Variants in ARHGEF10 observed in about 807,000 individuals in gnomAD.
The protein encoded by ARHGEF10 is Rho guanine nucleotide exchange factor (GEF) 10.
In ARHGEF10, 140 loss-of-function variants were observed where a neutral mutation model predicts 147.4. The observed-to-expected ratio is 0.95, with a 90% confidence interval of 0.83 to 1.09. The LOEUF is 1.09. Among genes scored for constraint, ARHGEF10 ranks in the 50% least tolerant of loss-of-function variants. The probability of loss-of-function intolerance (pLI) is 0.00; values close to 1 mark genes in which losing one functional copy is unlikely to be tolerated. For synonymous variants in ARHGEF10, 902 were observed against 695.8 expected, an observed-to-expected ratio of 1.30 and a Z score of -4.67; for missense variants, 2,222 against 1,752.7, an observed-to-expected ratio of 1.27 and a Z score of -4.78.
intron 1 of ARHGEF10, among the ~76,000 whole-genome samples, chr8:1,839,566 A>G (rs1275823489): frequency 9.0e-6 from 1 of 111,028 alleles, no homozygotes; most frequent in South Asian, 3.1e-4. Flanking sequence ...TGGTGTGGGG[A>G]GTGTCTGGTG....
At chr8:1,923,921 T>C in intron 21 of ARHGEF10, 47 bp downstream of exon 21, 5 of 1,565,232 alleles carry the variant, frequency 3.2e-6, no homozygotes, top group Non-Finnish European at 4.4e-6. Context: ...GGCGTGATGA[T>C]GAATTCCTGC....
chr8:1,919,830 T>C (rs1812101890), intron 18 of ARHGEF10, among the ~76,000 whole-genome samples: 1 of 143,526 alleles, frequency 7.0e-6, no homozygotes, highest in African/African-American at 2.7e-5. Context: ...TGATGAGCTG[T>C]TCTGTCAGTG....
rs915490181 is a variant in ARHGEF10 at position 1,948,853 on chromosome 8, G to A, written c.3397+3198G>A. Among the ~76,000 whole-genome samples the A allele has an allele frequency of 2.0e-5, 3 of 152,144 alleles. No homozygotes were observed. Among genetic ancestry groups the A allele is most frequent in the African/African-American group, 7.2e-5 (3 of 41,420 alleles). On this transcript the variant is annotated intron_variant, in intron 27 of 28. Transcript: ENST00000349830. This position sits in a 1 kb window ranked among gnomAD's most constrained non-coding sequence, Gnocchi z 4.9. ...GGGCATGCTCATACCGTGCTGAAGT[G>A]CGCGGATGCTGAGGTCGCCGGGCCG...
At chr8:1,883,056 T>A (rs1337886479) in intron 10 of ARHGEF10, among the ~76,000 whole-genome samples, 1 of 152,196 alleles carries the variant, frequency 6.6e-6, no homozygotes. Flanking sequence ...TATTGGACTC[T>A]GTATTTATAG....
At chr8:1,901,282 CT>C (rs1810436318) in intron 15 of ARHGEF10, among the ~76,000 whole-genome samples, 1 of 152,014 alleles carries the variant, frequency 6.6e-6, no homozygotes, top group South Asian at 2.1e-4. Context: ...GTGGAGAGGC[CT>C]GGACACCCTC....
At chr8:1,945,395 G>A (rs952041930) in intron 26 of ARHGEF10, 86 bp from the exon 27 acceptor site, 78 of 1,491,070 alleles carry the variant, frequency 5.2e-5, no homozygotes, top group Non-Finnish European at 6.8e-5. Context: ...ACTGAATGGC[G>A]CTCCAGCTGG....
At chr8:1,918,891 CTATTCTGTAAAGTGACGGAGG>C (rs1811969563) in intron 18 of ARHGEF10, among the ~76,000 whole-genome samples, 1 of 149,290 alleles carries the variant, frequency 6.7e-6, no homozygotes, top group Non-Finnish European at 1.5e-5. Context: ...GGTGATGGAG[CTATTCTGTAAAGTGACGGAGG>C]TGTTCTGTGA....
intron 1 of ARHGEF10, among the ~76,000 whole-genome samples, chr8:1,833,048 A>G (rs1803315989): frequency 4.8e-5 from 1 of 21,006 alleles, no homozygotes; most frequent in Non-Finnish European, 1.1e-4. Flanking sequence ...AGACAGAGAC[A>G]GAGGCAGAGA....
At chr8:1,874,393 A>T (rs1043529326) in intron 7 of ARHGEF10, among the ~76,000 whole-genome samples, 2 of 152,224 alleles carry the variant, frequency 1.3e-5, no homozygotes, top group Admixed American at 6.5e-5. Flanking sequence ...ACTCTTGCCA[A>T]CTGCTGTGCG....
At position 1,933,706 on chromosome 8, in the gene ARHGEF10, G is replaced by A. The variant is rs951261433; in HGVS notation, c.3080-94G>A. The A allele has an allele frequency of 1.4e-5, 21 of 1,453,842 alleles. No homozygotes were observed. The African/African-American group carries it at 2.4e-4, about 16-fold the overall frequency. 90.1% of individuals were successfully genotyped at this position (1,453,842 alleles called of 1,614,324 possible). ...GCATTAACATTACAGGTGATCCTTC[G>A]GGTGTCAGTTACTTAAAATGATGTA... On this transcript the variant is annotated intron_variant, in intron 25 of 28. Coordinates refer to ENST00000349830, the MANE Select transcript of ARHGEF10 (RefSeq NM_014629.4).
At chr8:1,910,839 T>C (rs1811302324) in intron 18 of ARHGEF10, among the ~76,000 whole-genome samples, 1 of 152,252 alleles carries the variant, frequency 6.6e-6, no homozygotes, top group Non-Finnish European at 1.5e-5. Context: ...ATAATTAAGA[T>C]GGCCTTATTG....
At chr8:1,947,663 C>A (rs1383587156) in intron 27 of ARHGEF10, among the ~76,000 whole-genome samples, 1 of 147,584 alleles carries the variant, frequency 6.8e-6, no homozygotes, top group Non-Finnish European at 1.5e-5. Flanking sequence ...CAACCCTGCC[C>A]CCATCCTCAC....
At chr8:1,862,508 C>T (rs879317253) in intron 4 of ARHGEF10, among the ~76,000 whole-genome samples, 3 of 152,242 alleles carry the variant, frequency 2.0e-5, no homozygotes, top group Admixed American at 6.5e-5. Context: ...AGCGTGTCTG[C>T]CTCCTTCTGA....
intron 11 of ARHGEF10, among the ~76,000 whole-genome samples, chr8:1,890,665 G>A (rs115013518): frequency 2.0e-4 from 30 of 148,582 alleles, no homozygotes; most frequent in African/African-American, 7.8e-4. Flanking sequence ...ACTAAGTGGG[G>A]TGTGAGGGGT....
At chr8:1,847,210 G>A (rs1361546603) in intron 2 of ARHGEF10, among the ~76,000 whole-genome samples, 2 of 152,214 alleles carry the variant, frequency 1.3e-5, no homozygotes, top group Admixed American at 6.5e-5. Flanking sequence ...TGACCCTGAG[G>A]TGTGTGAGCT....
intron 25 of ARHGEF10, among the ~76,000 whole-genome samples, chr8:1,931,960 G>A (rs1813184041): frequency 6.6e-6 from 1 of 152,176 alleles, no homozygotes; most frequent in African/African-American, 2.4e-5. Flanking sequence ...TCTGAAGTAG[G>A]CCATCGTGTC....
At chr8:1,900,328 C>T (rs1258998739) in intron 15 of ARHGEF10, among the ~76,000 whole-genome samples, 1 of 152,180 alleles carries the variant, frequency 6.6e-6, no homozygotes, top group Non-Finnish European at 1.5e-5. Flanking sequence ...CCCACGTTTC[C>T]ATCCACCTTC....
intron 2 of ARHGEF10, among the ~76,000 whole-genome samples, chr8:1,844,343 G>A (rs927616880): frequency 1.3e-5 from 2 of 152,186 alleles, no homozygotes; most frequent in Admixed American, 6.5e-5. Context: ...CAGTCACCGG[G>A]GCCTGGTAGA....
intron 8 of ARHGEF10, among the ~76,000 whole-genome samples, chr8:1,877,822 C>G (rs531415786): frequency 6.6e-6 from 1 of 151,910 alleles, no homozygotes; most frequent in Admixed American, 6.6e-5. Flanking sequence ...GGAAGCCACA[C>G]GCAGTCCTTG....
Sources: gnomAD v4.1 joint callset for allele counts (sites outside exome capture counted in the v4.1 genomes callset) on GRCh38, gnomAD v4.1.1 for gene constraint, Gnocchi (gnomAD v3.1) non-coding constraint, MANE v1.5 for transcripts, NCBI Gene and HGNC (gene_info 2026-07-23, HGNC 2026-07-21) for gene names.